Variants in USP35 observed in about 807,000 individuals in gnomAD.
USP35 encodes the protein ubiquitin specific peptidase 35, also known as ubiquitin carboxyl-terminal hydrolase 35.
A neutral mutation model predicts 83.8 loss-of-function variants in USP35; 69 were observed. The observed-to-expected ratio is 0.82, with a 90% CI of 0.68 to 1.01. USP35 has a LOEUF of 1.01. USP35 is among the 50% of genes least tolerant of loss of function. The probability of loss-of-function intolerance (pLI) is 0.00; values close to 1 mark genes in which losing one functional copy is unlikely to be tolerated. For missense variants in USP35, 1,503 were observed against 1,362.5 expected (o/e 1.10, Z -1.62); for synonymous variants, 714 against 589.5 (o/e 1.21, Z -3.06).
intron 1 of USP35, among the ~76,000 whole-genome samples, chr11:78,193,588 C>G (rs1260133851): frequency 6.6e-6 from 1 of 152,106 alleles, no homozygotes; most frequent in African/African-American, 2.4e-5. Flanking sequence ...TCTGCCTCCC[C>G]CATCTGACTG....
chr11:78,216,815 GGGGC>G, downstream of USP35: 1 of 152,200 alleles, frequency 6.6e-6, no homozygotes. Context: ...TCTGTCGTAT[GGGGC>G]CCCTTGTAGG....
chr11:78,203,438 T>A, intron 6 of USP35, among the ~76,000 whole-genome samples: 1 of 152,184 alleles, frequency 6.6e-6, no homozygotes, highest in Non-Finnish European at 1.5e-5. Context: ...CTCGAACGTT[T>A]CCACCCAAGT....
Position 78,209,665 on chromosome 11 carries a change from G to T in USP35, c.1810G>T (p.Glu604Ter), listed in dbSNP as rs1863663262. Residue 604 changes from glutamate (E) to a stop codon, truncating the protein, a stop_gained, in exon 10 of 11, where the codon GAG (glutamate) becomes TAG (stop). Coordinates refer to ENST00000529308, the MANE Select transcript of USP35 (RefSeq NM_020798.4). LOFTEE classifies it high-confidence loss of function. ...CCTCTCTCTCGCCTTCCCTCCTCCT[G>T]AGCGCTGTCGCCGCCGCCGCCTGGG... is the stretch of plus-strand genomic sequence containing the variant. ...TDLSLAFPPP[E>*]RCRRRRLGSV... is the part of the protein sequence containing the mutation. 4.3e-6 allele frequency: 7 copies of T among 1,614,020 alleles called. No individual in the cohort carries two copies. Among genetic ancestry groups the T allele is most frequent in the Non-Finnish European group, 5.9e-6 (7 of 1,179,944 alleles).
chr11:78,191,988 T>C (rs1356034516), intron 1 of USP35, among the ~76,000 whole-genome samples: 2 of 151,820 alleles, frequency 1.3e-5, no homozygotes, highest in African/African-American at 2.4e-5. Flanking sequence ...GGACTACAGG[T>C]GCCCGCCACC....
In USP35 at chr11:78,205,967, T is replaced by G. The variant is rs147838203; in HGVS notation, c.1323T>G (p.Ile441Met). The G allele has an allele frequency of 2.0e-3, 3,218 of 1,614,256 alleles. 6 individuals carry two copies. Among genetic ancestry groups the G allele is most frequent in the Non-Finnish European group, 2.5e-3 (2,928 of 1,180,040 alleles). Reference sequence around the variant, plus strand: ...TGGCCAAGTCAGACACGGGCAAGATTGGTCTCATCAACCTGGGCAACACAT... The same window carrying G: ...TGGCCAAGTCAGACACGGGCAAGATGGGTCTCATCAACCTGGGCAACACAT... ...RLMAKSDTGK[I>M]GLINLGNTCY... Residue 441 changes from isoleucine to methionine, a missense_variant, in exon 7 of 11, where the codon ATT becomes ATG. By Grantham distance (10) the Ile-to-Met change is conservative (BLOSUM62 1). Coordinates refer to ENST00000529308, the MANE Select transcript of USP35 (RefSeq NM_020798.4).
chr11:78,219,758 G>A (rs1864327201), downstream of USP35, among the ~76,000 whole-genome samples: 1 of 152,196 alleles, frequency 6.6e-6, no homozygotes, highest in African/African-American at 2.4e-5. Context: ...TCCAGGGGAA[G>A]GAATTTGCTA....
At chr11:78,207,401 G>GCTC in intron 7 of USP35, 129 bp from the exon 8 acceptor site, 1 of 860,762 alleles carries the variant, frequency 1.2e-6, no homozygotes, top group Admixed American at 2.2e-5. Context: ...CTGGCTTCTG[G>GCTC]CTCCGTCTTG....
chr11:78,236,987 G>A, the USP35 span, among the ~76,000 whole-genome samples: 1 of 152,192 alleles, frequency 6.6e-6, no homozygotes, highest in East Asian at 1.9e-4. Flanking sequence ...TTATTCATGG[G>A]GGATATTCTC....
the USP35 span, among the ~76,000 whole-genome samples, chr11:78,236,007 T>C: frequency 1.3e-5 from 2 of 152,188 alleles, no homozygotes; most frequent in Admixed American, 6.5e-5. Flanking sequence ...TTTATTTGGA[T>C]TGTGTTGAAT....
chr11:78,213,960 T>TTA lies in USP35; in HGVS notation c.*147_*148insTA. On this transcript the variant is annotated 3_prime_UTR_variant, in exon 11 of 11. Coordinates refer to ENST00000529308, the MANE Select transcript of USP35 (RefSeq NM_020798.4). The stretch of plus-strand genomic sequence containing the variant: ...CCTGATGAAGGGTACACAGAGATTC[T>TTA]CTCAGATATGGAAGTAAGACCTAAG... 1.1e-6 allele frequency: 1 copy of TTA among 872,386 alleles called. No individual in the cohort carries two copies. Among genetic ancestry groups the TTA allele is most frequent in the Non-Finnish European group, 1.6e-6 (1 of 618,378 alleles). 54.0% of individuals were successfully genotyped at this position (872,386 alleles called of 1,614,324 possible).
intron 6 of USP35, among the ~76,000 whole-genome samples, chr11:78,201,808 A>G (rs1293148771): frequency 6.6e-6 from 1 of 151,964 alleles, no homozygotes; most frequent in Admixed American, 6.5e-5. Context: ...AGAGGTAGTG[A>G]GACATGTAGC....
At chr11:78,219,425 CAG>C (rs1864307732), downstream of USP35, 1 of 1,613,288 alleles carries the variant, frequency 6.2e-7, no homozygotes, top group African/African-American at 1.3e-5. Context: ...GCTGAGGGGA[CAG>C]AGTGGGAAAG....
At chr11:78,200,038 C>T (rs555069722) in intron 4 of USP35, 95 bp from the exon 5 acceptor site, 2 of 1,367,486 alleles carry the variant, frequency 1.5e-6, no homozygotes, top group African/African-American at 2.9e-5. Flanking sequence ...TGGGTTTGAA[C>T]TCTAGGGTGT....
Position 78,196,714 on chromosome 11 carries a change from G to A in USP35, c.469G>A (p.Asp157Asn). 6.5e-7 allele frequency: 1 copy of A among 1,529,666 alleles called. No individual in the cohort carries two copies. Among genetic ancestry groups the A allele is most frequent in the Non-Finnish European group, 8.7e-7 (1 of 1,144,608 alleles). 94.8% of individuals were successfully genotyped at this position (1,529,666 alleles called of 1,614,324 possible). A position where few individuals can be genotyped will look rare whatever the true frequency, so the allele number is the denominator to read the frequency against. Residue 157 changes from aspartate to asparagine, a missense_variant, in exon 2 of 11, where the codon GAC becomes AAC. Asp to Asn is a conservative substitution (Grantham distance 23, BLOSUM62 1). Coordinates refer to ENST00000529308, the MANE Select transcript of USP35 (RefSeq NM_020798.4). This position sits in a 1 kb window ranked among gnomAD's most constrained non-coding sequence, Gnocchi z 4.8. ...LLARHPRCVP[D>N]GPHRLLFCQQ... ...GGCTCGCCACCCGCGCTGTGTGCCC[G>A]ACGGACCCCACCGCCTGCTCTTCTG...
At position 78,210,513 on chromosome 11, in the gene USP35, C is replaced by G; in HGVS notation, c.2658C>G (p.Pro886=). 2 of 1,614,034 alleles carry G rather than the reference C, an allele frequency of 1.2e-6. No homozygotes were observed. The highest frequency in any genetic ancestry group is 1.1e-5 in the South Asian group (1 of 91,080). The change falls in exon 10 of 11, where the codon CCC becomes CCG. Residue 886 remains proline (P), a synonymous_variant. Coordinates refer to ENST00000529308, the MANE Select transcript of USP35 (RefSeq NM_020798.4). ...TGGGAACTGCCGATAGGCCAGAGCC[C>G]GAGAACCAGTGGTACCTGTTCAATG... The part of the protein sequence containing the change: ...ASLGTADRPE[P]ENQWYLFNDT...
At chr11:78,203,902 T>G (rs1863446055) in intron 6 of USP35, among the ~76,000 whole-genome samples, 1 of 144,338 alleles carries the variant, frequency 6.9e-6, no homozygotes, top group Non-Finnish European at 1.5e-5. Context: ...CTTTTTTTTT[T>G]TTTTTTGAGA....
In USP35 at chr11:78,213,616, GTCTAAGTCTCC is replaced by G. The variant is rs1409088109; in HGVS notation, c.2890-26_2890-16del. ...TCTGGCTTCAGGGTGTGAATTCTAA[GTCTAAGTCTCC>G]TCTCATCTGTGTTCCCAGGAGCAGG... On this transcript the variant is annotated intron_variant, in intron 10 of 10. Coordinates refer to ENST00000529308, the MANE Select transcript of USP35 (RefSeq NM_020798.4). 2.1e-6 allele frequency: 2 copies of G among 972,370 alleles called. No individual in the cohort carries two copies. The highest frequency in any genetic ancestry group is 2.6e-6 in the Non-Finnish European group (2 of 770,790). 60.2% of individuals were successfully genotyped at this position (972,370 alleles called of 1,614,324 possible).
At position 78,188,960 on chromosome 11, in the gene USP35, T is replaced by C. The variant is rs1322208268; in HGVS notation, c.-208T>C. On this transcript the variant is annotated 5_prime_UTR_variant, in exon 1 of 11. Coordinates refer to ENST00000529308, the MANE Select transcript of USP35 (RefSeq NM_020798.4). ...CGCAGAGTCGGGCTTCCTGGATACATAGAGGCTTGTGCCAGGCGGGGTGGG... is the reference window on the plus strand; with the variant it reads ...CGCAGAGTCGGGCTTCCTGGATACACAGAGGCTTGTGCCAGGCGGGGTGGG... 7.5e-5 allele frequency: 74 copies of C among 985,198 alleles called. No individual in the cohort carries two copies. The highest frequency in any genetic ancestry group is 3.1e-4 in the Admixed American group (5 of 16,264). 61.0% of individuals were successfully genotyped at this position (985,198 alleles called of 1,614,324 possible). A position where few individuals can be genotyped will look rare whatever the true frequency, so the allele number is the denominator to read the frequency against.
intron 6 of USP35, among the ~76,000 whole-genome samples, chr11:78,203,809 A>C (rs1210055746): frequency 6.7e-6 from 1 of 149,424 alleles, no homozygotes; most frequent in African/African-American, 2.5e-5. Context: ...CGATCTTCTG[A>C]TCTTGTGATC....
Sources: gnomAD v4.1 joint callset for allele counts (sites outside exome capture counted in the v4.1 genomes callset) on GRCh38, gnomAD v4.1.1 for gene constraint, Gnocchi (gnomAD v3.1) non-coding constraint, MANE v1.5 for transcripts, NCBI Gene and HGNC (gene_info 2026-07-23, HGNC 2026-07-21) for gene names.